Variants in IPO5 observed in about 807,000 individuals in gnomAD.
IPO5 encodes the protein importin 5, also known as importin-5.
A neutral mutation model predicts 143.3 loss-of-function variants in IPO5; 18 were observed. That is an observed-to-expected ratio of 0.13 (90% CI 0.09 to 0.19). The LOEUF (loss-of-function observed/expected upper bound fraction) is 0.19, where lower values mean the gene tolerates loss of function less well. Ranked by LOEUF, IPO5 falls within the 10% of genes least tolerant of loss-of-function variation. The probability of loss-of-function intolerance (pLI) is 1.00; values close to 1 mark genes in which losing one functional copy is unlikely to be tolerated. For missense variants in IPO5, 1,013 were observed against 1,336.9 expected, an observed-to-expected ratio of 0.76 and a Z score of 3.78; for synonymous variants, 477 against 465.7, an observed-to-expected ratio of 1.02 and a Z score of -0.31.
chr13:98,000,465 A>C (rs572520154), intron 12 of IPO5, 74 bp from the exon 13 acceptor site: 190 of 924,750 alleles, frequency 2.1e-4, no homozygotes, highest in Non-Finnish European at 3.2e-4. Flanking sequence ...TATGGTTAGA[A>C]GTATGTCTGT....
At chr13:97,988,136 TATA>T (rs1202873244) in intron 6 of IPO5, 1 of 164,584 alleles carries the variant, frequency 6.1e-6, no homozygotes, top group African/African-American at 2.4e-5. Flanking sequence ...TTTGTGACAA[TATA>T]ACCAGAGTCT....
intron 28 of IPO5, 168 bp downstream of exon 28, chr13:98,021,301 G>A (rs554111161): frequency 3.7e-5 from 18 of 491,726 alleles, no homozygotes; most frequent in East Asian, 6.9e-5. Context: ...TAATCCATCC[G>A]TATGTACTTA....
Position 98,010,199 on chromosome 13 carries a change from A to C in IPO5, c.2030A>C (p.Glu677Ala). ...GGTATTAAAACTGCAGGACTAGAAG[A>C]AAAATCAACTGCTTGCCAGATGTTG... Reference protein sequence around the residue: ...SFGIKTAGLEEKSTACQMLVC... With the variant: ...SFGIKTAGLEAKSTACQMLVC... Residue 677 changes from glutamate to alanine, a missense_variant, in exon 20 of 29, where the codon GAA becomes GCA. Physicochemically the swap from Glu to Ala is moderately radical, Grantham distance 107. Around this residue, in one of 2 missense-constraint regions of IPO5, gnomAD observed 685 missense variants for 994.9 expected, o/e 0.69. Transcript: ENST00000651721. The C allele has an allele frequency of 6.2e-7, 1 of 1,613,994 alleles. No homozygotes were observed. The highest frequency in any genetic ancestry group is 1.7e-5 in the Admixed American group (1 of 60,006).
At chr13:97,990,100 T>C (rs1887688283) in intron 7 of IPO5, 26 bp from the exon 8 acceptor site, 17 of 1,361,972 alleles carry the variant, frequency 1.2e-5, no homozygotes, top group Non-Finnish European at 1.8e-5. Flanking sequence ...ATGTAGTTTT[T>C]AAAGAATGTT....
chr13:98,016,377 T>C (rs1890123062), intron 24 of IPO5, among the ~76,000 whole-genome samples: 2 of 152,152 alleles, frequency 1.3e-5, no homozygotes, highest in African/African-American at 2.4e-5. Context: ...ATGAGGATTA[T>C]TCTGCTGAAA....
intron 2 of IPO5, among the ~76,000 whole-genome samples, chr13:97,964,017 A>G (rs1462532972): frequency 6.6e-6 from 1 of 152,056 alleles, no homozygotes; most frequent in Non-Finnish European, 1.5e-5. Context: ...GTCTGTTCAT[A>G]TCTTTTGCCT....
intron 5 of IPO5, among the ~76,000 whole-genome samples, chr13:97,983,333 A>G (rs968950803): frequency 3.9e-5 from 6 of 152,210 alleles, no homozygotes; most frequent in African/African-American, 1.4e-4. Flanking sequence ...GATGAAGTGT[A>G]TGTACTAAAG....
chr13:98,009,539 G>C (rs1347699599), intron 18 of IPO5, among the ~76,000 whole-genome samples: 7 of 152,192 alleles, frequency 4.6e-5, no homozygotes, highest in Non-Finnish European at 8.8e-5. Flanking sequence ...ACTGGGAGTT[G>C]ATGAAGTGTT....
chr13:98,004,356 C>T (rs1173519615), intron 16 of IPO5, among the ~76,000 whole-genome samples: 1 of 152,172 alleles, frequency 6.6e-6, no homozygotes, highest in Non-Finnish European at 1.5e-5. Flanking sequence ...TGCTCAGTAT[C>T]AGATGACAGC....
chr13:98,006,866 GTTTTTTT>G (rs869302123), intron 17 of IPO5, among the ~76,000 whole-genome samples: 2 of 125,074 alleles, frequency 1.6e-5, no homozygotes, highest in Non-Finnish European at 3.5e-5. Flanking sequence ...TTGGTTTGGT[GTTTTTTT>G]TTTTTTTTTT....
At chr13:97,978,200 T>TAA (rs1287483767) in intron 4 of IPO5, among the ~76,000 whole-genome samples, 32 of 152,360 alleles carry the variant, frequency 2.1e-4, no homozygotes, top group Middle Eastern at 3.4e-3. Context: ...TGACCGCTTG[T>TAA]GTCGTGAATC....
chr13:98,000,296 AG>A (rs1157940156), intron 12 of IPO5, among the ~76,000 whole-genome samples: 3 of 152,088 alleles, frequency 2.0e-5, no homozygotes, highest in Non-Finnish European at 2.9e-5. Flanking sequence ...AAAAAAAAAA[AG>A]AAAAATAAGA....
chr13:98,018,045 A>G (rs779066552), intron 25 of IPO5, among the ~76,000 whole-genome samples: 2 of 152,146 alleles, frequency 1.3e-5, no homozygotes, highest in East Asian at 1.9e-4. Context: ...TTGGCTTTCA[A>G]TTTTGCATTT....
chr13:98,006,297 A>G lies in IPO5; in HGVS notation c.1665A>G (p.Gly555=). The change falls in exon 17 of 29, where the codon GGA becomes GGG. Residue 555 remains glycine (G), a synonymous_variant. Coordinates refer to ENST00000651721, the MANE Select transcript of IPO5 (RefSeq NM_002271.6). ...AVQKELRLLR[G]KTIECISLIG... is the part of the protein sequence containing the mutation. The stretch of plus-strand genomic sequence containing the variant: ...AAAAAGAACTGAGACTTCTGAGAGG[A>G]AAAACTATTGAATGCATTAGCCTCA... 1 of 1,612,222 alleles carries G rather than the reference A, an allele frequency of 6.2e-7. No individual in the cohort carries two copies. The highest frequency in any genetic ancestry group is 8.5e-7 in the Non-Finnish European group (1 of 1,179,290).
chr13:97,957,029 T>G (rs1436736234), intron 2 of IPO5, among the ~76,000 whole-genome samples: 1 of 152,184 alleles, frequency 6.6e-6, no homozygotes, highest in Non-Finnish European at 1.5e-5. Flanking sequence ...TAAAACGCAT[T>G]CCTACTTTTC....
chr13:97,980,245 A>G (rs947296519), intron 4 of IPO5, among the ~76,000 whole-genome samples: 1 of 152,192 alleles, frequency 6.6e-6, no homozygotes, highest in Non-Finnish European at 1.5e-5. Flanking sequence ...TTTAACCATT[A>G]TCCTTGACCA....
intron 13 of IPO5, 112 bp downstream of exon 13, chr13:98,000,757 T>C: frequency 1.4e-6 from 1 of 692,190 alleles, no homozygotes; most frequent in Non-Finnish European, 2.5e-6. Flanking sequence ...TTATCATCCA[T>C]ATTTAACCCA....
intron 12 of IPO5, among the ~76,000 whole-genome samples, chr13:97,999,662 G>A (rs1205303674): frequency 5.9e-5 from 9 of 152,102 alleles, no homozygotes; most frequent in Non-Finnish European, 8.8e-5. Flanking sequence ...CCAGTTCTAA[G>A]CCAGGATAAG....
At chr13:97,999,392 T>G (rs1888572150) in intron 12 of IPO5, among the ~76,000 whole-genome samples, 1 of 152,198 alleles carries the variant, frequency 6.6e-6, no homozygotes, top group Non-Finnish European at 1.5e-5. Context: ...AATTTCCTTT[T>G]TGGTTCAGTT....
Sources: gnomAD v4.1 joint callset for allele counts (sites outside exome capture counted in the v4.1 genomes callset) on GRCh38, gnomAD v4.1.1 for gene constraint, gnomAD v4.1.1 regional missense constraint, MANE v1.5 for transcripts, NCBI Gene and HGNC (gene_info 2026-07-23, HGNC 2026-07-21) for gene names.